The following C2orf76 variants were observed in gnomAD, a reference collection of about 807,000 sequenced individuals.
The protein encoded by C2orf76 is chromosome 2 open reading frame 76.
In C2orf76, 23 loss-of-function variants were observed where a neutral mutation model predicts 16.9. That is an observed-to-expected ratio of 1.36 (90% CI 0.98 to 1.93). C2orf76 has a LOEUF of 1.93. Ranked by LOEUF, C2orf76 falls within the 30% of genes most tolerant of loss-of-function variation. The pLI, the probability that C2orf76 is intolerant of heterozygous loss-of-function variation, is 0.00. For synonymous variants in C2orf76, 48 were observed against 52.3 expected (o/e 0.92, Z 0.35); for missense variants, 152 against 152.6 (o/e 1.00, Z 0.02).
At chr2:119,292,996 C>T in the C2orf76 span, among the ~76,000 whole-genome samples, 1 of 152,228 alleles carries the variant, frequency 6.6e-6, no homozygotes, top group African/African-American at 2.4e-5. Flanking sequence ...GATTGTGCCA[C>T]TGAACTCCAG....
intron 5 of C2orf76, among the ~76,000 whole-genome samples, chr2:119,307,113 C>T (rs912923611): frequency 6.6e-6 from 1 of 151,962 alleles, no homozygotes; most frequent in Non-Finnish European, 1.5e-5. Flanking sequence ...TAACCAGACA[C>T]GGCACTGAGG....
chr2:119,321,299 T>A, intron 2 of C2orf76, 95 bp from the exon 3 acceptor site: 1 of 708,272 alleles, frequency 1.4e-6, no homozygotes, highest in Non-Finnish European at 2.3e-6. Flanking sequence ...ATCTACAGAC[T>A]AAGTTACCTT....
chr2:119,293,367 A>C, the C2orf76 span, among the ~76,000 whole-genome samples: 1 of 152,362 alleles, frequency 6.6e-6, no homozygotes, highest in South Asian at 2.1e-4. Context: ...AGGGAAGAGC[A>C]AGTGCAAAGG....
At chr2:119,290,961 G>A in the C2orf76 span, among the ~76,000 whole-genome samples, 96,208 of 151,878 alleles carry the variant, frequency 0.63, 30,911 homozygotes, top group African/African-American at 0.67. Context: ...CGCCAAGGCT[G>A]ACTTACAGGG....
chr2:119,340,531 C>A (rs574139839), intron 1 of C2orf76, among the ~76,000 whole-genome samples: 2 of 152,238 alleles, frequency 1.3e-5, no homozygotes, highest in East Asian at 3.9e-4. Flanking sequence ...GTACTAGGCA[C>A]ATGTACCAGG....
chr2:119,335,162 T>G (rs1042190227), intron 2 of C2orf76, among the ~76,000 whole-genome samples: 1 of 152,208 alleles, frequency 6.6e-6, no homozygotes, highest in Non-Finnish European at 1.5e-5. Context: ...TTTATAGATA[T>G]GTACATACGC....
chr2:119,285,330 C>A, the C2orf76 span, among the ~76,000 whole-genome samples: 1 of 152,136 alleles, frequency 6.6e-6, no homozygotes, highest in Non-Finnish European at 1.5e-5. Flanking sequence ...TTTCCTGTAA[C>A]AAATCATATG....
intron 2 of C2orf76, among the ~76,000 whole-genome samples, chr2:119,327,177 T>A (rs539297144): frequency 1.3e-5 from 2 of 152,162 alleles, no homozygotes; most frequent in African/African-American, 4.8e-5. Flanking sequence ...AGCATGATGT[T>A]AGGCAACAGT....
rs79167974 is a variant in C2orf76, at chr2:119,361,224, T to C, written c.-13+5566A>G. On this transcript the variant is annotated intron_variant, in intron 1 of 5. Transcript: ENST00000334816. The stretch of plus-strand genomic sequence containing the variant: ...ACCCAAAATGGGTTTCGTGGGTTTG[T>C]TACCCACGGCCAACCACTGTCCAAA... Among the ~76,000 whole-genome samples, 714 of 152,352 alleles carry C rather than the reference T, an allele frequency of 4.7e-3. 10 individuals are homozygous for C. The highest frequency in any genetic ancestry group is 0.044 in the East Asian group (228 of 5,190).
the C2orf76 span, among the ~76,000 whole-genome samples, chr2:119,283,535 C>T: frequency 2.0e-5 from 3 of 152,066 alleles, no homozygotes; most frequent in East Asian, 1.9e-4. Context: ...AGTGCAGTGG[C>T]GCCATCTTGG....
intron 1 of C2orf76, among the ~76,000 whole-genome samples, chr2:119,341,490 G>A (rs1156338249): frequency 1.3e-5 from 2 of 152,152 alleles, no homozygotes; most frequent in African/African-American, 4.8e-5. Context: ...TACACAGTAT[G>A]GTTAACTTTA....
the C2orf76 span, among the ~76,000 whole-genome samples, chr2:119,283,033 C>T: frequency 6.6e-6 from 1 of 152,168 alleles, no homozygotes; most frequent in African/African-American, 2.4e-5. Flanking sequence ...GGCAGTCCAG[C>T]CACTCTGCGG....
At chr2:119,287,937 T>C in the C2orf76 span, among the ~76,000 whole-genome samples, 8,185 of 152,178 alleles carry the variant, frequency 0.054, 318 homozygotes, top group Non-Finnish European at 0.082. Flanking sequence ...GGCCCAAATT[T>C]ACCTATGGTG....
intron 1 of C2orf76, among the ~76,000 whole-genome samples, chr2:119,358,343 T>C (rs532946092): frequency 2.0e-5 from 3 of 152,166 alleles, no homozygotes; most frequent in African/African-American, 7.2e-5. Context: ...TTGGGAGGCC[T>C]AGGTGGGTGG....
the C2orf76 span, among the ~76,000 whole-genome samples, chr2:119,291,929 G>T: frequency 6.6e-6 from 1 of 151,988 alleles, no homozygotes; most frequent in Non-Finnish European, 1.5e-5. Flanking sequence ...ACTTAACAGA[G>T]CCAGAAACTG....
intron 1 of C2orf76, among the ~76,000 whole-genome samples, chr2:119,344,086 T>C (rs1042884085): frequency 3.9e-5 from 6 of 152,268 alleles, no homozygotes; most frequent in African/African-American, 1.4e-4. Flanking sequence ...TGTACTTAAA[T>C]AGTTGAACTT....
At chr2:119,336,307 C>T (rs551278084) in intron 2 of C2orf76, among the ~76,000 whole-genome samples, 3 of 152,142 alleles carry the variant, frequency 2.0e-5, no homozygotes, top group East Asian at 1.9e-4. Context: ...GCAGGAGAAT[C>T]GCTTCAATTC....
intron 1 of C2orf76, among the ~76,000 whole-genome samples, chr2:119,360,338 G>A (rs1197480071): frequency 6.6e-6 from 1 of 152,064 alleles, no homozygotes; most frequent in Admixed American, 6.6e-5. Flanking sequence ...TTAGCCAGGT[G>A]TGGTGGCACA....
At chr2:119,319,342 G>A (rs879558648) in intron 3 of C2orf76, among the ~76,000 whole-genome samples, 3 of 152,184 alleles carry the variant, frequency 2.0e-5, no homozygotes, top group Non-Finnish European at 4.4e-5. Context: ...GGTAAGAAAG[G>A]AGAAATGACA....
Sources: allele counts gnomAD v4.1 joint callset (sites outside exome capture counted in the v4.1 genomes callset), GRCh38; gene constraint gnomAD v4.1.1; transcripts MANE v1.5; gene names NCBI Gene and HGNC (gene_info 2026-07-23, HGNC 2026-07-21).